Variants in NT5DC1 observed in about 807,000 individuals in gnomAD.
The protein encoded by NT5DC1 is 5'-nucleotidase domain-containing protein 1.
Under a neutral mutation model 59.4 loss-of-function variants are expected in NT5DC1, and 42 were observed. The ratio of observed to expected loss-of-function variants is 0.71; its 90% CI spans 0.55 to 0.92. NT5DC1 has a LOEUF of 0.92. NT5DC1 is among the 40% of genes least tolerant of loss of function. The pLI, the probability that NT5DC1 is intolerant of heterozygous loss-of-function variation, is 0.00. For missense variants in NT5DC1, 501 were observed against 537.1 expected (o/e 0.93, Z 0.66); for synonymous variants, 172 against 188.1 (o/e 0.91, Z 0.70).
intron 6 of NT5DC1, among the ~76,000 whole-genome samples, chr6:116,161,150 A>G (rs369436507): frequency 2.2e-5 from 3 of 137,840 alleles, no homozygotes; most frequent in Admixed American, 1.7e-4. Context: ...ATGAGAACAC[A>G]TGGACACAGG....
At chr6:116,221,340 T>C in intron 7 of NT5DC1, 112 bp downstream of exon 7, 1 of 649,106 alleles carries the variant, frequency 1.5e-6, no homozygotes, top group East Asian at 2.6e-5. Context: ...TAAACAATGC[T>C]GAGTGACAAG....
rs1329192182 is a variant in NT5DC1, at chr6:116,167,657, T to A, written c.529+49712T>A. 2.0e-5 allele frequency among the ~76,000 whole-genome samples: 3 copies of A among 152,330 alleles called. No individual in the cohort carries two copies. The East Asian group carries it at 5.8e-4, about 29-fold the overall frequency. ...TCTTACCCTTCTACCCTTCGTTAGT[T>A]TTTAATTTGTTTGAATTGTTCATAG... is the stretch of plus-strand genomic sequence containing the variant. On this transcript the variant is annotated intron_variant, in intron 6 of 11. Transcript: ENST00000319550.
Position 116,243,826 on chromosome 6 carries a change from T to C in NT5DC1, c.1253-83T>C, listed in dbSNP as rs1771784528. The C allele has an allele frequency of 6.9e-6, 4 of 579,032 alleles. No homozygotes were observed. In the East Asian group the frequency reaches 1.2e-4, roughly 17 times the overall value. The allele number at this position is 579,032 out of a possible 1,614,324, so 35.9% of individuals were successfully genotyped here. On this transcript the variant is annotated intron_variant, in intron 11 of 11. Transcript: ENST00000319550. ...AATTTTACGTCTAAAAAATAAGTTT[T>C]ATTAGTGAATATCAAGTTTTGATTT...
At chr6:116,238,903 A>C (rs1782174681) in intron 10 of NT5DC1, 52 bp from the exon 11 acceptor site, 1 of 1,146,916 alleles carries the variant, frequency 8.7e-7, no homozygotes, top group African/African-American at 1.6e-5. Flanking sequence ...AAAAATTATG[A>C]GATTGAACAT....
At chr6:116,138,408 G>A (rs570322283) in intron 6 of NT5DC1, among the ~76,000 whole-genome samples, 27 of 152,274 alleles carry the variant, frequency 1.8e-4, no homozygotes, top group African/African-American at 6.0e-4. Flanking sequence ...TTGTGTGAAA[G>A]TGTAATCCCA....
At chr6:116,135,851 A>ATAT (rs1212425164) in intron 6 of NT5DC1, among the ~76,000 whole-genome samples, 1 of 113,554 alleles carries the variant, frequency 8.8e-6, no homozygotes, top group Non-Finnish European at 1.7e-5. Context: ...ATATATATAT[A>ATAT]TATATATATA....
chr6:116,172,065 C>T (rs1036573466), intron 6 of NT5DC1, among the ~76,000 whole-genome samples: 20 of 152,148 alleles, frequency 1.3e-4, no homozygotes, highest in Non-Finnish European at 2.6e-4. Context: ...ATCCACACAT[C>T]TATGGTTTCA....
chr6:116,235,446 T>C lies in NT5DC1; in HGVS notation c.803-1520T>C, dbSNP rs183452670. Among the ~76,000 whole-genome samples the C allele has an allele frequency of 3.4e-3, 519 of 152,350 alleles. 2 individuals carry two copies. The highest frequency in any genetic ancestry group is 0.01 in the Middle Eastern group (3 of 294). On this transcript the variant is annotated intron_variant, in intron 8 of 11. Coordinates refer to ENST00000319550, the MANE Select transcript of NT5DC1 (RefSeq NM_152729.3). ...TGCAGAAGAATTTTTAAATGACTGCTGAAATGGCAGCTAGATAGGCATAAA... is the reference window on the plus strand; with the variant it reads ...TGCAGAAGAATTTTTAAATGACTGCCGAAATGGCAGCTAGATAGGCATAAA...
chr6:116,203,299 T>A (rs765448814), intron 6 of NT5DC1, among the ~76,000 whole-genome samples: 1 of 151,976 alleles, frequency 6.6e-6, no homozygotes, highest in Non-Finnish European at 1.5e-5. Context: ...TATTATTACT[T>A]TACTATACAT....
intron 5 of NT5DC1, among the ~76,000 whole-genome samples, chr6:116,116,225 G>T (rs1203582366): frequency 6.6e-6 from 1 of 152,004 alleles, no homozygotes; most frequent in African/African-American, 2.4e-5. Flanking sequence ...TTTTTCTTTT[G>T]TACTGTATAT....
intron 1 of NT5DC1, 64 bp downstream of exon 1, chr6:116,101,087 C>T: frequency 2.4e-6 from 3 of 1,273,418 alleles, no homozygotes; most frequent in Non-Finnish European, 2.2e-6. Flanking sequence ...GCTTGAGTTT[C>T]CTCCAGGTTT....
chr6:116,185,618 G>A (rs372473994), intron 6 of NT5DC1, among the ~76,000 whole-genome samples: 1 of 152,192 alleles, frequency 6.6e-6, no homozygotes, highest in East Asian at 1.9e-4. Context: ...CTTATATAAT[G>A]TCCCACTTTG....
intron 6 of NT5DC1, among the ~76,000 whole-genome samples, chr6:116,208,266 T>A (rs1340168280): frequency 6.6e-6 from 1 of 152,072 alleles, no homozygotes; most frequent in Non-Finnish European, 1.5e-5. Context: ...TTAGTTCTCC[T>A]AATTTTTTCC....
intron 3 of NT5DC1, 42 bp from the exon 4 acceptor site, chr6:116,110,808 A>G (rs756509155): frequency 1.5e-6 from 2 of 1,356,024 alleles, no homozygotes; most frequent in Admixed American, 1.7e-5. Flanking sequence ...GGGGCATTCA[A>G]GGAACCATTA....
intron 6 of NT5DC1, among the ~76,000 whole-genome samples, chr6:116,140,997 G>A (rs1168182622): frequency 6.6e-6 from 1 of 152,092 alleles, no homozygotes; most frequent in African/African-American, 2.4e-5. Context: ...TATTAACTAT[G>A]TATATTTTTC....
intron 6 of NT5DC1, among the ~76,000 whole-genome samples, chr6:116,210,732 A>G (rs1781559686): frequency 6.9e-6 from 1 of 145,314 alleles, no homozygotes; most frequent in Non-Finnish European, 1.6e-5. Flanking sequence ...AGTTAAAACC[A>G]TGGAAATGTT....
In NT5DC1 at chr6:116,121,340, C is replaced by T. The variant is rs1448634130; in HGVS notation, c.529+3395C>T. ...TCCTGGCTTTCCAATGCCTTCTGGC[C>T]CTCGTTCCCCAGGAGGGCCTTGGGG... is the stretch of plus-strand genomic sequence containing the variant. On this transcript the variant is annotated intron_variant, in intron 6 of 11. Coordinates refer to ENST00000319550, the MANE Select transcript of NT5DC1 (RefSeq NM_152729.3). The T allele has an allele frequency of 1.9e-6, 3 of 1,613,988 alleles. No homozygotes were observed. Among genetic ancestry groups the T allele is most frequent in the Admixed American group, 1.7e-5 (1 of 60,024 alleles).
intron 6 of NT5DC1, among the ~76,000 whole-genome samples, chr6:116,196,491 A>C (rs942663866): frequency 2.0e-5 from 3 of 152,064 alleles, no homozygotes; most frequent in Non-Finnish European, 1.5e-5. Flanking sequence ...GGGAAAAAAA[A>C]GTTTTCTCTT....
At chr6:116,219,778 A>T (rs1365909093) in intron 6 of NT5DC1, among the ~76,000 whole-genome samples, 1 of 152,008 alleles carries the variant, frequency 6.6e-6, no homozygotes, top group East Asian at 1.9e-4. Context: ...TCTGGCAAAC[A>T]TGGTGAAACC....
Sources: gnomAD v4.1 joint callset for allele counts (sites outside exome capture counted in the v4.1 genomes callset) on GRCh38, gnomAD v4.1.1 for gene constraint, MANE v1.5 for transcripts, NCBI Gene and HGNC (gene_info 2026-07-23, HGNC 2026-07-21) for gene names.